Variants in AGBL4 observed in about 807,000 individuals in gnomAD.
AGBL4 encodes cytosolic carboxypeptidase 6.
A neutral mutation model predicts 66.4 loss-of-function variants in AGBL4; 58 were observed. The observed-to-expected ratio is 0.87, with a 90% CI of 0.71 to 1.09. The LOEUF (loss-of-function observed/expected upper bound fraction) is 1.09. AGBL4 is among the 50% of genes least tolerant of loss of function. The pLI is 0.00. For synonymous variants in AGBL4, 234 were observed against 222.9 expected (o/e 1.05, Z -0.44); for missense variants, 579 against 631.0 (o/e 0.92, Z 0.88).
chr1:48,807,743 C>T (rs541058668), intron 6 of AGBL4, among the ~76,000 whole-genome samples: 1 of 152,138 alleles, frequency 6.6e-6, no homozygotes, highest in South Asian at 2.1e-4. Context: ...ATCTGCATAT[C>T]AGAAGGGCAG....
At chr1:49,558,257 G>A (rs1014207154) in intron 3 of AGBL4, among the ~76,000 whole-genome samples, 2 of 152,072 alleles carry the variant, frequency 1.3e-5, no homozygotes, top group African/African-American at 2.4e-5. Context: ...AAAAAATAAA[G>A]GGGACTTTGC....
intron 9 of AGBL4, among the ~76,000 whole-genome samples, chr1:48,627,880 T>C (rs988518521): frequency 6.6e-6 from 1 of 152,120 alleles, no homozygotes; most frequent in Admixed American, 6.6e-5. Flanking sequence ...AGACAGACCC[T>C]GGGGGATTCT....
At chr1:49,655,956 G>A (rs1016311109) in intron 3 of AGBL4, among the ~76,000 whole-genome samples, 1 of 152,134 alleles carries the variant, frequency 6.6e-6, no homozygotes, top group East Asian at 1.9e-4. Context: ...AGACCAGCCT[G>A]ACCAACCTGG....
intron 2 of AGBL4, among the ~76,000 whole-genome samples, chr1:49,836,177 A>G (rs188740782): frequency 6.6e-6 from 1 of 152,122 alleles, no homozygotes; most frequent in African/African-American, 2.4e-5. Context: ...GTGTTTTCCA[A>G]CTTGGTTCCA....
chr1:49,723,819 C>A (rs973257310), intron 2 of AGBL4, among the ~76,000 whole-genome samples: 3 of 152,078 alleles, frequency 2.0e-5, no homozygotes, highest in Non-Finnish European at 4.4e-5. Flanking sequence ...TAACTTTGGG[C>A]AAGTTACTTA....
In AGBL4 at chr1:49,313,872, T is replaced by C. The variant is rs373299927; in HGVS notation, c.283-68008A>G. The stretch of plus-strand genomic sequence containing the variant: ...GCTGGGCAGAAGCTCTTTAGTTTAA[T>C]TAGATCCCATTTGTCAATTTTGGCT... On this transcript the variant is annotated intron_variant, in intron 3 of 13. Coordinates refer to ENST00000371839, the MANE Select transcript of AGBL4 (RefSeq NM_032785.4). Among the ~76,000 whole-genome samples, 230 of 152,230 alleles carry C rather than the reference T, an allele frequency of 1.5e-3. 3 individuals carry two copies. The South Asian group carries it at 0.021, about 14-fold the overall frequency.
At chr1:48,548,821 T>C (rs1255363920) in intron 11 of AGBL4, among the ~76,000 whole-genome samples, 1 of 152,152 alleles carries the variant, frequency 6.6e-6, no homozygotes, top group Non-Finnish European at 1.5e-5. Context: ...AGATGAAAAA[T>C]CAGAAGTCAC....
chr1:49,306,408 G>C (rs773741470), intron 3 of AGBL4, among the ~76,000 whole-genome samples: 1 of 152,130 alleles, frequency 6.6e-6, no homozygotes, highest in Non-Finnish European at 1.5e-5. Context: ...GTATATGTCT[G>C]TCTCTTTCCT....
chr1:49,720,573 C>T (rs1419167733), intron 2 of AGBL4, among the ~76,000 whole-genome samples: 3 of 152,094 alleles, frequency 2.0e-5, no homozygotes, highest in Admixed American at 1.3e-4. Context: ...ATAATACTGC[C>T]TGGGTTCACA....
chr1:48,907,573 C>G (rs1440183999), intron 5 of AGBL4, among the ~76,000 whole-genome samples: 2 of 152,170 alleles, frequency 1.3e-5, no homozygotes, highest in Non-Finnish European at 2.9e-5. Flanking sequence ...GAGGGAAGCT[C>G]TAGCCTACGC....
At chr1:49,510,901 C>T (rs370990258) in intron 3 of AGBL4, among the ~76,000 whole-genome samples, 16 of 148,378 alleles carry the variant, frequency 1.1e-4, no homozygotes, top group Admixed American at 2.7e-4. Context: ...TGTAGATATG[C>T]GGCGTTATTT....
chr1:48,698,525 T>C (rs1382060830), intron 6 of AGBL4, among the ~76,000 whole-genome samples: 1 of 152,230 alleles, frequency 6.6e-6, no homozygotes, highest in Admixed American at 6.5e-5. Context: ...CCTCCACTGC[T>C]CACATGGGGA....
In AGBL4 at chr1:49,045,566, A is replaced by G; in HGVS notation, c.594+18T>C. 1 of 1,599,228 alleles carries G rather than the reference A, an allele frequency of 6.3e-7. No homozygotes were observed. The highest frequency in any genetic ancestry group is 8.5e-7 in the Non-Finnish European group (1 of 1,172,154). ...GCCTGTTTCCAAATGAGTAACCCAAACCTGGCACAGGCCTTACCACACTCT... is the reference window on the plus strand; with the variant it reads ...GCCTGTTTCCAAATGAGTAACCCAAGCCTGGCACAGGCCTTACCACACTCT... On this transcript the variant is annotated intron_variant, in intron 5 of 13. Coordinates refer to ENST00000371839, the MANE Select transcript of AGBL4 (RefSeq NM_032785.4).
chr1:48,775,222 G>A (rs775049109), intron 6 of AGBL4, among the ~76,000 whole-genome samples: 4 of 152,156 alleles, frequency 2.6e-5, no homozygotes, highest in Non-Finnish European at 4.4e-5. Flanking sequence ...TTATCAGGGA[G>A]GTGGTATGGA....
intron 1 of AGBL4, among the ~76,000 whole-genome samples, chr1:49,998,482 A>T (rs1298742905): frequency 2.0e-5 from 3 of 152,164 alleles, no homozygotes; most frequent in African/African-American, 7.2e-5. Flanking sequence ...GACAAAACAG[A>T]TTCACAGCTG....
rs557997804 is a variant in AGBL4 at position 49,039,088 on chromosome 1, A to G, written c.594+6496T>C. 1.5e-3 allele frequency among the ~76,000 whole-genome samples: 232 copies of G among 152,256 alleles called. 1 individual carries two copies. Among genetic ancestry groups the G allele is most frequent in the African/African-American group, 5.3e-3 (220 of 41,590 alleles). On this transcript the variant is annotated intron_variant, in intron 5 of 13. Transcript: ENST00000371839. ...GCATGTCACGAAGCGAAAGAAGCCA[A>G]TCTGAAAAGGCTATACAAATTTCAA... is the stretch of plus-strand genomic sequence containing the variant.
chr1:49,551,391 A>G (rs1652940272), intron 3 of AGBL4, among the ~76,000 whole-genome samples: 1 of 152,054 alleles, frequency 6.6e-6, no homozygotes, highest in Non-Finnish European at 1.5e-5. Context: ...ATATTACCAG[A>G]GTTGGTTTTC....
intron 2 of AGBL4, among the ~76,000 whole-genome samples, chr1:49,835,661 T>C (rs775607966): frequency 4.6e-5 from 7 of 152,206 alleles, no homozygotes; most frequent in Non-Finnish European, 1.0e-4. Context: ...AGTTTCTTCA[T>C]AGTGTCAATG....
chr1:48,850,934 G>A (rs777345897), intron 6 of AGBL4, among the ~76,000 whole-genome samples: 1 of 152,158 alleles, frequency 6.6e-6, no homozygotes, highest in South Asian at 2.1e-4. Flanking sequence ...GTGAACCATA[G>A]ACAAATCTTT....
Sources: allele counts gnomAD v4.1 joint callset (sites outside exome capture counted in the v4.1 genomes callset), GRCh38; gene constraint gnomAD v4.1.1; transcripts MANE v1.5; gene names NCBI Gene and HGNC (gene_info 2026-07-23, HGNC 2026-07-21).